B3GALT1: variants seen among roughly 807,000 people sequenced by gnomAD.
B3GALT1 encodes UDP-Gal:betaGlcNAc beta 1,3-galactosyltransferase, polypeptide 1.
B3GALT1 carries 10 observed loss-of-function variants against 23.2 expected under a neutral mutation model. The ratio of observed to expected loss-of-function variants is 0.43; its 90% CI spans 0.27 to 0.73. The LOEUF (loss-of-function observed/expected upper bound fraction) is 0.73. B3GALT1 is among the 30% of genes least tolerant of loss of function. The pLI is 0.21. For synonymous variants in B3GALT1, 156 were observed against 141.5 expected (o/e 1.10, Z -0.73); for missense variants, 299 against 405.4 (o/e 0.74, Z 2.25).
intron 3 of B3GALT1, among the ~76,000 whole-genome samples, chr2:167,674,824 A>G (rs1686393545): frequency 6.6e-6 from 1 of 152,210 alleles, no homozygotes; most frequent in Admixed American, 6.5e-5. Flanking sequence ...CTGACATTAA[A>G]TGTGATGAAT....
At chr2:167,394,196 C>G (rs1265920403) in intron 1 of B3GALT1, among the ~76,000 whole-genome samples, 1 of 152,130 alleles carries the variant, frequency 6.6e-6, no homozygotes, top group African/African-American at 2.4e-5. Context: ...TTCTATAAAA[C>G]ACAAATTTCT....
intron 2 of B3GALT1, among the ~76,000 whole-genome samples, chr2:167,572,718 G>A (rs1203531700): frequency 6.6e-6 from 1 of 151,654 alleles, no homozygotes; most frequent in African/African-American, 2.4e-5. Context: ...TGCCCTTGAT[G>A]TGATCATTTG....
chr2:167,696,296 CAAA>C lies in B3GALT1; in HGVS notation c.-352+49350_-352+49352del, dbSNP rs35575073. On this transcript the variant is annotated intron_variant, in intron 3 of 4. Transcript: ENST00000392690. ...ACATCTTAGTCTCATTGGTAAGAGG[CAAA>C]AAAAAAAAAAAAAAAAAAATACCTA... Among the ~76,000 whole-genome samples, 892 of 91,810 alleles carry C rather than the reference CAAA, an allele frequency of 9.7e-3. 5 individuals carry two copies. The highest frequency in any genetic ancestry group is 0.036 in the African/African-American group (805 of 22,118). 60.2% of individuals were successfully genotyped at this position (91,810 alleles called of 152,430 possible). A position where few individuals can be genotyped will look rare whatever the true frequency, so the allele number is the denominator to read the frequency against.
chr2:167,478,545 CT>C (rs1177888664), intron 1 of B3GALT1, among the ~76,000 whole-genome samples: 6 of 135,878 alleles, frequency 4.4e-5, no homozygotes, highest in South Asian at 2.6e-4. Flanking sequence ...AACCAACTTT[CT>C]TTTTTTTTTA....
intron 2 of B3GALT1, among the ~76,000 whole-genome samples, chr2:167,593,740 G>A (rs1310680386): frequency 6.6e-6 from 1 of 152,212 alleles, no homozygotes; most frequent in African/African-American, 2.4e-5. Context: ...CAAGGTCCCA[G>A]CCTGGGTGAT....
intron 2 of B3GALT1, among the ~76,000 whole-genome samples, chr2:167,619,159 CT>C: frequency 6.6e-6 from 1 of 151,954 alleles, no homozygotes; most frequent in African/African-American, 2.4e-5. Context: ...TTATTTTTAT[CT>C]GTATGCACTC....
At chr2:167,800,591 C>T (rs1284063347) in intron 3 of B3GALT1, among the ~76,000 whole-genome samples, 2 of 152,210 alleles carry the variant, frequency 1.3e-5, no homozygotes, top group East Asian at 3.8e-4. Flanking sequence ...TGCATCTCAG[C>T]TTCCCTACCT....
In B3GALT1 at chr2:167,346,761, CGT is replaced by C. The variant is rs750555778; in HGVS notation, c.-511+53441_-511+53442del. On this transcript the variant is annotated intron_variant, in intron 1 of 4. Coordinates refer to ENST00000392690, the MANE Select transcript of B3GALT1 (RefSeq NM_020981.4). Reference sequence around the variant, plus strand: ...GTGTGTGTGTGGGGGGGGGGTGGTGCGTGTGTGTGTGTGTGCGTGTGTGTGCG... The same window carrying C: ...GTGTGTGTGTGGGGGGGGGGTGGTGCGTGTGTGTGTGTGCGTGTGTGTGCG... 3.4e-5 allele frequency among the ~76,000 whole-genome samples: 5 copies of C among 146,290 alleles called. No homozygotes were observed. The East Asian group carries it at 6.0e-4, about 18-fold the overall frequency.
intron 1 of B3GALT1, among the ~76,000 whole-genome samples, chr2:167,487,944 A>C (rs1238197500): frequency 6.6e-6 from 1 of 152,260 alleles, no homozygotes; most frequent in East Asian, 1.9e-4. Flanking sequence ...CCCAGCTGGG[A>C]CTTGCTCATG....
chr2:167,481,883 G>A (rs181188216), intron 1 of B3GALT1, among the ~76,000 whole-genome samples: 1 of 152,276 alleles, frequency 6.6e-6, no homozygotes, highest in Non-Finnish European at 1.5e-5. Context: ...CAATTTTAAG[G>A]CAGAGTTAAA....
At chr2:167,833,086 T>A (rs1435238468) in intron 4 of B3GALT1, among the ~76,000 whole-genome samples, 1 of 152,174 alleles carries the variant, frequency 6.6e-6, no homozygotes, top group African/African-American at 2.4e-5. Flanking sequence ...AATGCGTAAT[T>A]TCTCCTCCCC....
At chr2:167,705,065 C>A (rs2105513303) in intron 3 of B3GALT1, among the ~76,000 whole-genome samples, 1 of 152,292 alleles carries the variant, frequency 6.6e-6, no homozygotes, top group South Asian at 2.1e-4. Flanking sequence ...CTTGGCTTGG[C>A]TATGTGACCT....
At chr2:167,326,748 G>A (rs1239840731) in intron 1 of B3GALT1, among the ~76,000 whole-genome samples, 1 of 152,038 alleles carries the variant, frequency 6.6e-6, no homozygotes, top group Non-Finnish European at 1.5e-5. Flanking sequence ...GGAGTGCAAT[G>A]GTATGATCTG....
At chr2:167,467,944 A>G (rs939641080) in intron 1 of B3GALT1, among the ~76,000 whole-genome samples, 1 of 152,218 alleles carries the variant, frequency 6.6e-6, no homozygotes, top group Non-Finnish European at 1.5e-5. Flanking sequence ...AGGAAAGTAG[A>G]TAATAAGCAA....
intron 2 of B3GALT1, among the ~76,000 whole-genome samples, chr2:167,634,150 A>T (rs1338955925): frequency 6.6e-6 from 1 of 152,160 alleles, no homozygotes; most frequent in Non-Finnish European, 1.5e-5. Flanking sequence ...TTTGAAACCA[A>T]TGAGAACAAA....
intron 1 of B3GALT1, among the ~76,000 whole-genome samples, chr2:167,434,648 C>T (rs1436699865): frequency 6.6e-6 from 1 of 151,736 alleles, no homozygotes; most frequent in African/African-American, 2.4e-5. Flanking sequence ...AATCAGCATT[C>T]CAAATGTATT....
At chr2:167,525,471 A>G (rs1475284157) in intron 2 of B3GALT1, among the ~76,000 whole-genome samples, 1 of 151,920 alleles carries the variant, frequency 6.6e-6, no homozygotes, top group Non-Finnish European at 1.5e-5. Context: ...ACACATTTGT[A>G]TTTTCTCTCT....
chr2:167,297,805 C>G (rs185214545), intron 1 of B3GALT1, among the ~76,000 whole-genome samples: 2 of 152,028 alleles, frequency 1.3e-5, no homozygotes, highest in Non-Finnish European at 2.9e-5. Context: ...AATTATACTC[C>G]GAAGAAGTTA....
At position 167,454,710 on chromosome 2, in the gene B3GALT1, T is replaced by A. The variant is rs528649867; in HGVS notation, c.-510-35467T>A. On this transcript the variant is annotated intron_variant, in intron 1 of 4. Coordinates refer to ENST00000392690, the MANE Select transcript of B3GALT1 (RefSeq NM_020981.4). ...TAGAAGTTTCAGTAATAAACAAAATTCCCATCTGTTATCTCCTTTGCTACT... is the reference window on the plus strand; with the variant it reads ...TAGAAGTTTCAGTAATAAACAAAATACCCATCTGTTATCTCCTTTGCTACT... Among the ~76,000 whole-genome samples the A allele has an allele frequency of 2.0e-4, 31 of 152,166 alleles. No individual in the cohort carries two copies. The East Asian group carries it at 2.9e-3, about 14-fold the overall frequency.
Sources: allele counts gnomAD v4.1 joint callset (sites outside exome capture counted in the v4.1 genomes callset), GRCh38; gene constraint gnomAD v4.1.1; transcripts MANE v1.5; gene names NCBI Gene and HGNC (gene_info 2026-07-23, HGNC 2026-07-21).